HVCN1: variants seen among roughly 807,000 people sequenced by gnomAD.
HVCN1 encodes voltage-gated hydrogen channel 1.
Under a neutral mutation model 29.2 loss-of-function variants are expected in HVCN1, and 14 were observed. The ratio of observed to expected loss-of-function variants is 0.48; its 90% CI spans 0.32 to 0.75. HVCN1 has a LOEUF of 0.75. HVCN1 is among the 30% of genes least tolerant of loss of function. The pLI, the probability that HVCN1 is intolerant of heterozygous loss-of-function variation, is 0.04. For missense variants in HVCN1, 263 were observed against 341.8 expected, an observed-to-expected ratio of 0.77 and a Z score of 1.82; for synonymous variants, 131 against 133.2, an observed-to-expected ratio of 0.98 and a Z score of 0.11.
In HVCN1 at chr12:110,696,927, G is replaced by C. The variant is rs533657070; in HGVS notation, c.-104+5382C>G. Among the ~76,000 whole-genome samples the C allele has an allele frequency of 1.0e-3, 159 of 152,226 alleles. 1 individual carries two copies. Among genetic ancestry groups the C allele is most frequent in the Non-Finnish European group, 1.6e-3 (110 of 68,018 alleles). On this transcript the variant is annotated intron_variant, in intron 2 of 4. Coordinates refer to the HVCN1 transcript ENST00000546713. ...GATAAAAATGGAAGTGTAGAGGAGA[G>C]ATAAGGATGGCTTGGACAAGTCGGT...
At chr12:110,700,463 AGAGT>A (rs758021333) in intron 2 of HVCN1, among the ~76,000 whole-genome samples, 3 of 152,154 alleles carry the variant, frequency 2.0e-5, no homozygotes, top group Non-Finnish European at 4.4e-5. Flanking sequence ...AAGTTGTAGA[AGAGT>A]GAGTATCTTT....
intron 5 of HVCN1, 74 bp downstream of exon 5, chr12:110,655,160 C>G (rs965765267): frequency 1.8e-6 from 2 of 1,133,078 alleles, no homozygotes; most frequent in African/African-American, 3.0e-5. Context: ...AGCTGCTCCA[C>G]TCTGCACCCC....
chr12:110,666,389 C>G (rs1814742), intron 3 of HVCN1, among the ~76,000 whole-genome samples: 19,341 of 152,038 alleles, frequency 0.13, 1,679 homozygotes, highest in African/African-American at 0.25. Context: ...TGCCACTGCA[C>G]TCCAGCCTGG....
At chr12:110,679,226 G>A (rs569498928) in intron 3 of HVCN1, among the ~76,000 whole-genome samples, 58 of 152,338 alleles carry the variant, frequency 3.8e-4, no homozygotes, top group African/African-American at 1.3e-3. Context: ...TGGGTGCTGC[G>A]GTGGTGGATG....
rs1296793120 is a variant in HVCN1, at chr12:110,671,469, C to T, written c.22-10021G>A. On this transcript the variant is annotated intron_variant, in intron 3 of 7. Coordinates refer to ENST00000242607, the MANE Select transcript of HVCN1 (RefSeq NM_032369.4). The stretch of plus-strand genomic sequence containing the variant: ...TGGGACACATCTCCCCATCCCAAAG[C>T]GTCCAGGAGCCAGTCCTGCCAACAC... 7.2e-5 allele frequency among the ~76,000 whole-genome samples: 11 copies of T among 152,122 alleles called. No individual in the cohort carries two copies. The South Asian group carries it at 2.3e-3, about 32-fold the overall frequency.
upstream of HVCN1, chr12:110,689,819 T>G (rs2069362609): frequency 6.6e-6 from 1 of 152,464 alleles, no homozygotes. The surrounding 1 kb of genome is among the most constrained non-coding windows in gnomAD (Gnocchi z 5.7). Context: ...CCCTCCCCTG[T>G]GGGCCCTCCC....
intron 2 of HVCN1, 41 bp downstream of exon 2, chr12:110,688,584 G>A (rs903457610): frequency 1.3e-5 from 2 of 152,434 alleles, no homozygotes; most frequent in Non-Finnish European, 2.9e-5. Context: ...GGAGGGCAGC[G>A]GGGCAGGGAC....
intron 2 of HVCN1, among the ~76,000 whole-genome samples, chr12:110,698,033 G>A (rs528840477): frequency 2.6e-5 from 4 of 152,208 alleles, no homozygotes; most frequent in Non-Finnish European, 5.9e-5. Flanking sequence ...AAGAGGCAGA[G>A]CTAGAACATG....
Position 110,649,490 on chromosome 12 carries a change from GAC to G in HVCN1, c.757-17_757-16del. On this transcript the variant is annotated splice_polypyrimidine_tract_variant and intron_variant, in intron 7 of 7. Transcript: ENST00000242607. ...ATTTCTTGTTCCTATTGCAAAAGCA[GAC>G]AAACACTGGAATTTACTTTGAGCCT... is the stretch of plus-strand genomic sequence containing the variant. The G allele has an allele frequency of 6.3e-7, 1 of 1,586,076 alleles. No homozygotes were observed. Among genetic ancestry groups the G allele is most frequent in the South Asian group, 1.1e-5 (1 of 88,658 alleles).
chr12:110,650,017 G>A (rs1349322539), intron 7 of HVCN1, 151 bp downstream of exon 7: 3 of 538,656 alleles, frequency 5.6e-6, no homozygotes, highest in Non-Finnish European at 1.0e-5. Context: ...AGCTAATTTT[G>A]TATTTTTAGC....
intron 2 of HVCN1, 35 bp from the exon 3 acceptor site, chr12:110,683,299 A>G (rs2136442788): frequency 2.5e-6 from 4 of 1,579,552 alleles, no homozygotes; most frequent in Admixed American, 3.8e-5. Flanking sequence ...CAGATCTATC[A>G]TCTTGCTGCC....
rs930718776 is a variant in HVCN1, at chr12:110,658,456, C to T, written c.306+2708G>A. Among the ~76,000 whole-genome samples, 12 of 152,166 alleles carry T rather than the reference C, an allele frequency of 7.9e-5. No individual in the cohort carries two copies. Among genetic ancestry groups the T allele is most frequent in the Non-Finnish European group, 1.5e-4 (10 of 68,034 alleles). ...TGACCTTCCCTGGCCTCTTCTCTTGCCAATTGCCTGCTGGCAACACCCATA... is the reference window on the plus strand; with the variant it reads ...TGACCTTCCCTGGCCTCTTCTCTTGTCAATTGCCTGCTGGCAACACCCATA... On this transcript the variant is annotated intron_variant, in intron 4 of 7. Transcript: ENST00000242607. The surrounding 1 kb of genome is among the most constrained non-coding windows in gnomAD (Gnocchi z 5.0).
chr12:110,656,332 G>A (rs2067989355), intron 4 of HVCN1, among the ~76,000 whole-genome samples: 1 of 152,204 alleles, frequency 6.6e-6, no homozygotes, highest in Non-Finnish European at 1.5e-5. Context: ...TGGGCTGACA[G>A]AGGACAGGTG....
In HVCN1 at chr12:110,661,561, C is replaced by T; in HGVS notation, c.22-113G>A. ...GAAGATGGTCCCGGGTGCGTAGAAC[C>T]CCCTGCAAGCAGAGACCATGAGGTC... On this transcript the variant is annotated intron_variant, in intron 3 of 7. Transcript: ENST00000242607. This position sits in a 1 kb window ranked among gnomAD's most constrained non-coding sequence, Gnocchi z 6.2. 3 of 933,630 alleles carry T rather than the reference C, an allele frequency of 3.2e-6. No individual in the cohort carries two copies. The highest frequency in any genetic ancestry group is 2.6e-5 in the East Asian group (1 of 38,620). 57.8% of individuals were successfully genotyped at this position (933,630 alleles called of 1,614,324 possible).
At chr12:110,677,114 C>G (rs924156550) in intron 3 of HVCN1, among the ~76,000 whole-genome samples, 11 of 152,008 alleles carry the variant, frequency 7.2e-5, no homozygotes, top group Admixed American at 6.6e-4. Flanking sequence ...CTGAGAGAGG[C>G]GGATCGCTTG....
chr12:110,672,463 A>T lies in HVCN1; in HGVS notation c.21+10762T>A, dbSNP rs185631244. ...ACACCACTGTGTGGCAGGCCTGTAG[A>T]CCTCACACACCCACAGGGAAAGGGG... On this transcript the variant is annotated intron_variant, in intron 3 of 7. Coordinates refer to ENST00000242607, the MANE Select transcript of HVCN1 (RefSeq NM_032369.4). Among the ~76,000 whole-genome samples, 120 of 152,296 alleles carry T rather than the reference A, an allele frequency of 7.9e-4. 1 individual carries two copies. The highest frequency in any genetic ancestry group is 4.8e-3 in the Admixed American group (74 of 15,296).
chr12:110,668,539 T>C (rs1029744065), intron 3 of HVCN1, among the ~76,000 whole-genome samples: 1 of 152,050 alleles, frequency 6.6e-6, no homozygotes, highest in Non-Finnish European at 1.5e-5. Context: ...ACTCTTCTCC[T>C]CCAGCTTCAT....
At chr12:110,698,650 G>A (rs1015965980) in intron 2 of HVCN1, among the ~76,000 whole-genome samples, 2 of 152,174 alleles carry the variant, frequency 1.3e-5, no homozygotes, top group African/African-American at 4.8e-5. Context: ...AGGGGGACCC[G>A]AGCACTGTCT....
rs766648356 is a variant in HVCN1, at chr12:110,661,589, G to A, written c.22-141C>T. 653 of 726,968 alleles carry A rather than the reference G, an allele frequency of 9.0e-4. 1 individual carries two copies. The highest frequency in any genetic ancestry group is 1.3e-3 in the Non-Finnish European group (595 of 448,336). 45.0% of individuals were successfully genotyped at this position (726,968 alleles called of 1,614,324 possible). On this transcript the variant is annotated intron_variant, in intron 3 of 7. Transcript: ENST00000242607. This position sits in a 1 kb window ranked among gnomAD's most constrained non-coding sequence, Gnocchi z 6.2. The stretch of plus-strand genomic sequence containing the variant: ...CTGCAAGCAGAGACCATGAGGTCAC[G>A]GTGGTTTCTCGTGCTTTTATTTTTG...
Sources: gnomAD v4.1 joint callset for allele counts (sites outside exome capture counted in the v4.1 genomes callset) on GRCh38, gnomAD v4.1.1 for gene constraint, Gnocchi (gnomAD v3.1) non-coding constraint, MANE v1.5 for transcripts, NCBI Gene and HGNC (gene_info 2026-07-23, HGNC 2026-07-21) for gene names.